ASTN2: variants seen among roughly 807,000 people sequenced by gnomAD.
ASTN2 encodes the protein astrotactin-2.
In ASTN2, 54 loss-of-function variants were observed where a neutral mutation model predicts 139.8. The observed-to-expected ratio is 0.39, with a 90% CI of 0.31 to 0.48. The LOEUF (loss-of-function observed/expected upper bound fraction) is 0.48, where lower values mean the gene tolerates loss of function less well. Ranked by LOEUF, ASTN2 falls within the 20% of genes least tolerant of loss-of-function variation. The pLI, the probability that ASTN2 is intolerant of heterozygous loss-of-function variation, is 0.95. For synonymous variants in ASTN2, 756 were observed against 719.5 expected (o/e 1.05, Z -0.81); for missense variants, 1,565 against 1,725.1 (o/e 0.91, Z 1.64).
At chr9:116,580,165 C>T (rs140270054) in intron 19 of ASTN2, among the ~76,000 whole-genome samples, 1 of 152,310 alleles carries the variant, frequency 6.6e-6, no homozygotes, top group East Asian at 1.9e-4. Context: ...TAACTAGAGG[C>T]CCTTCGTTGT....
intron 1 of ASTN2, among the ~76,000 whole-genome samples, chr9:117,352,681 C>A (rs1156849170): frequency 6.6e-6 from 1 of 152,096 alleles, no homozygotes; most frequent in Non-Finnish European, 1.5e-5. Flanking sequence ...ATTAAGATAT[C>A]CATTTTATTG....
At chr9:116,567,056 C>T (rs1314834907) in intron 19 of ASTN2, among the ~76,000 whole-genome samples, 2 of 152,180 alleles carry the variant, frequency 1.3e-5, no homozygotes, top group Non-Finnish European at 2.9e-5. Context: ...ATGAAGGAAC[C>T]AAGGCTGAGA....
Position 116,982,012 on chromosome 9 carries a change from T to C in ASTN2, c.1592-5227A>G, listed in dbSNP as rs75000796. 4.6e-5 allele frequency among the ~76,000 whole-genome samples: 7 copies of C among 152,300 alleles called. No homozygotes were observed. The East Asian group carries it at 1.4e-3, about 29-fold the overall frequency. ...TTTGTTGAGGTCTTTTTCTATGTTA[T>C]ATGCATTCTCAGTCCAGAAACTCTT... On this transcript the variant is annotated intron_variant, in intron 7 of 22. Transcript: ENST00000313400.
chr9:116,950,034 G>A (rs1588435237), intron 10 of ASTN2, among the ~76,000 whole-genome samples: 1 of 151,512 alleles, frequency 6.6e-6, no homozygotes, highest in African/African-American at 2.4e-5. Context: ...GAGTTTGAAT[G>A]TTCTCTTACA....
At chr9:116,949,857 T>C (rs1441829484) in intron 10 of ASTN2, among the ~76,000 whole-genome samples, 3 of 152,198 alleles carry the variant, frequency 2.0e-5, no homozygotes, top group African/African-American at 7.2e-5. Context: ...AGTGTTAATA[T>C]AATAATTGTA....
chr9:116,758,374 G>A (rs1829587603), intron 13 of ASTN2, among the ~76,000 whole-genome samples: 1 of 152,136 alleles, frequency 6.6e-6, no homozygotes, highest in Admixed American at 6.5e-5. Context: ...TGCCAGGAGA[G>A]TGCCAGGGCT....
intron 2 of ASTN2, among the ~76,000 whole-genome samples, chr9:117,285,752 T>C (rs1834433394): frequency 6.6e-6 from 1 of 152,196 alleles, no homozygotes; most frequent in Admixed American, 6.5e-5. Context: ...GCTCAGACAC[T>C]TTGAAGTGTT....
chr9:116,506,102 C>T (rs1473951353), intron 19 of ASTN2, among the ~76,000 whole-genome samples: 2 of 152,144 alleles, frequency 1.3e-5, no homozygotes, highest in African/African-American at 4.8e-5. Flanking sequence ...ACATAAGCTC[C>T]ATGATAGGAG....
At chr9:116,679,792 G>T (rs1210582905) in intron 16 of ASTN2, among the ~76,000 whole-genome samples, 3 of 152,252 alleles carry the variant, frequency 2.0e-5, no homozygotes, top group South Asian at 2.1e-4. Flanking sequence ...ATAACGAAAT[G>T]AAGGCAGAAA....
chr9:116,994,041 C>T (rs1836942058), intron 7 of ASTN2, among the ~76,000 whole-genome samples: 2 of 151,654 alleles, frequency 1.3e-5, no homozygotes, highest in South Asian at 2.1e-4. Context: ...ATATACTGAA[C>T]GTTCAGTGAA....
Position 116,646,055 on chromosome 9 carries a change from G to A in ASTN2, c.3072+5473C>T, listed in dbSNP as rs111367120. Among the ~76,000 whole-genome samples the A allele has an allele frequency of 4.9e-3, 747 of 152,292 alleles. 5 individuals carry two copies. Among genetic ancestry groups the A allele is most frequent in the African/African-American group, 0.017 (724 of 41,560 alleles). Reference sequence around the variant, plus strand: ...TTGATTCCCATGAAGTAGGGATTGTGAGACCACATTTTACAAGTGTGGAAA... The same window carrying A: ...TTGATTCCCATGAAGTAGGGATTGTAAGACCACATTTTACAAGTGTGGAAA... On this transcript the variant is annotated intron_variant, in intron 17 of 22. Coordinates refer to ENST00000313400, the MANE Select transcript of ASTN2 (RefSeq NM_001365068.1).
chr9:116,833,192 A>G (rs1831871880), intron 11 of ASTN2, among the ~76,000 whole-genome samples: 1 of 152,138 alleles, frequency 6.6e-6, no homozygotes, highest in Non-Finnish European at 1.5e-5. Flanking sequence ...TTATGTGTGT[A>G]AAATTATTTG....
At chr9:116,683,069 A>G (rs1222144624) in intron 16 of ASTN2, among the ~76,000 whole-genome samples, 1 of 151,686 alleles carries the variant, frequency 6.6e-6, no homozygotes, top group Non-Finnish European at 1.5e-5. Flanking sequence ...ATTAAAAAAA[A>G]AAGTGTGGCT....
chr9:116,604,702 GAA>G (rs1350983076), intron 19 of ASTN2, among the ~76,000 whole-genome samples: 3 of 152,306 alleles, frequency 2.0e-5, no homozygotes, highest in Non-Finnish European at 4.4e-5. Context: ...AGCTACTGGA[GAA>G]AAGAGACCTT....
chr9:116,874,137 TG>T (rs1317725229), intron 10 of ASTN2, among the ~76,000 whole-genome samples: 1 of 152,212 alleles, frequency 6.6e-6, no homozygotes, highest in East Asian at 1.9e-4. Context: ...GGTTCCACCC[TG>T]GGTGTATCTG....
At chr9:116,570,046 T>C (rs1199631880) in intron 19 of ASTN2, among the ~76,000 whole-genome samples, 1 of 152,212 alleles carries the variant, frequency 6.6e-6, no homozygotes, top group African/African-American at 2.4e-5. Flanking sequence ...TCAGGGGGCT[T>C]TGAAGCAGAT....
intron 22 of ASTN2, among the ~76,000 whole-genome samples, chr9:116,437,929 G>A (rs749530611): frequency 2.0e-5 from 3 of 152,124 alleles, no homozygotes; most frequent in Non-Finnish European, 4.4e-5. Flanking sequence ...CAAATTCTTG[G>A]AGGGCCATTG....
At chr9:117,371,639 G>A (rs1407045579) in intron 1 of ASTN2, among the ~76,000 whole-genome samples, 2 of 152,142 alleles carry the variant, frequency 1.3e-5, no homozygotes, top group Non-Finnish European at 2.9e-5. Flanking sequence ...TCAGAATAGA[G>A]TCACATCTCA....
intron 10 of ASTN2, among the ~76,000 whole-genome samples, chr9:116,957,258 C>A (rs1405764820): frequency 6.6e-6 from 1 of 152,066 alleles, no homozygotes; most frequent in Non-Finnish European, 1.5e-5. Context: ...TATACACATG[C>A]ATACATACAC....
Sources: allele counts gnomAD v4.1 joint callset (sites outside exome capture counted in the v4.1 genomes callset), GRCh38; gene constraint gnomAD v4.1.1; transcripts MANE v1.5; gene names NCBI Gene and HGNC (gene_info 2026-07-23, HGNC 2026-07-21).